C13orf46: variants seen among roughly 807,000 people sequenced by gnomAD.
C13orf46 encodes chromosome 13 open reading frame 46, also known as uncharacterized protein C13orf46.
intron 6 of C13orf46, among the ~76,000 whole-genome samples, chr13:113,957,043 G>T (rs1180540208): frequency 6.6e-6 from 1 of 151,800 alleles, no homozygotes; most frequent in Non-Finnish European, 1.5e-5. Context: ...TGCACTGGGG[G>T]GTCTCCCCTG....
At chr13:113,936,531 C>T in the C13orf46 span, among the ~76,000 whole-genome samples, 4 of 152,202 alleles carry the variant, frequency 2.6e-5, no homozygotes, top group Non-Finnish European at 5.9e-5. Flanking sequence ...GAGGGGGAAA[C>T]CGTTTCCTGG....
intron 6 of C13orf46, among the ~76,000 whole-genome samples, chr13:113,962,325 G>C (rs2138983350): frequency 6.6e-6 from 1 of 152,322 alleles, no homozygotes; most frequent in East Asian, 1.9e-4. Flanking sequence ...AGAATGGCGT[G>C]AACCTGGGGG....
At chr13:113,927,659 G>C in the C13orf46 span, 7 of 398,512 alleles carry the variant, frequency 1.8e-5, no homozygotes, top group Middle Eastern at 6.2e-4. Flanking sequence ...ATAAGACCAA[G>C]AATAATTAAT....
the C13orf46 span, among the ~76,000 whole-genome samples, chr13:113,929,852 A>C: frequency 6.6e-6 from 1 of 152,176 alleles, no homozygotes; most frequent in Non-Finnish European, 1.5e-5. Context: ...AGCGCCCTCC[A>C]ATGGAAAAGC....
chr13:113,971,310 C>G (rs904460280), intron 1 of C13orf46, among the ~76,000 whole-genome samples: 5 of 152,240 alleles, frequency 3.3e-5, no homozygotes, highest in African/African-American at 1.2e-4. Context: ...TGGGCCACTC[C>G]AGGCAGGTCA....
intron 1 of C13orf46, among the ~76,000 whole-genome samples, chr13:113,970,721 G>A (rs945632411): frequency 3.3e-5 from 5 of 152,188 alleles, no homozygotes; most frequent in Admixed American, 1.3e-4. Context: ...AATCCCCAGG[G>A]TCTCTGGGCT....
At chr13:113,973,689 C>T (rs1566426989) in intron 1 of C13orf46, 119 bp downstream of exon 1, 1 of 152,342 alleles carries the variant, frequency 6.6e-6, no homozygotes, top group Non-Finnish European at 1.5e-5. Context: ...GCATCCCTAA[C>T]CTTGGGAACT....
At chr13:113,934,770 G>A in the C13orf46 span, among the ~76,000 whole-genome samples, 8,179 of 152,318 alleles carry the variant, frequency 0.054, 288 homozygotes, top group African/African-American at 0.088. Flanking sequence ...GATGTGCTGT[G>A]AGCCACCCTG....
At chr13:113,942,795 T>G in the C13orf46 span, among the ~76,000 whole-genome samples, 1 of 152,212 alleles carries the variant, frequency 6.6e-6, no homozygotes, top group Admixed American at 6.5e-5. Context: ...AGCCAGTTAC[T>G]GTGCCCTTTA....
At chr13:113,967,966 G>T (rs1370612799) in intron 4 of C13orf46, among the ~76,000 whole-genome samples, 1 of 152,228 alleles carries the variant, frequency 6.6e-6, no homozygotes, top group Non-Finnish European at 1.5e-5. Flanking sequence ...AACTCCAAGG[G>T]CAGTGTCTGG....
chr13:113,927,698 G>T, the C13orf46 span: 1 of 398,310 alleles, frequency 2.5e-6, no homozygotes, highest in South Asian at 1.3e-4. Flanking sequence ...AGCTTTGGCT[G>T]CATCTGAATT....
chr13:113,942,361 T>C, the C13orf46 span, among the ~76,000 whole-genome samples: 836 of 152,304 alleles, frequency 5.5e-3, 8 homozygotes, highest in African/African-American at 0.01. Flanking sequence ...AACTGATTGC[T>C]GCTGACAAGA....
the C13orf46 span, among the ~76,000 whole-genome samples, chr13:113,936,078 G>T: frequency 1.1e-3 from 165 of 152,356 alleles, no homozygotes; most frequent in African/African-American, 3.8e-3. Context: ...CAAGTTCAGA[G>T]GCTCAAAGAT....
At chr13:113,945,593 GAAAGAAAGAAAGAAGAAAGAA>G in the C13orf46 span, among the ~76,000 whole-genome samples, 2 of 122,378 alleles carry the variant, frequency 1.6e-5, no homozygotes, top group Non-Finnish European at 3.4e-5. Flanking sequence ...GAGAGAGAGA[GAAAGAAAGAAAGAAGAAAGAA>G]AGAAAGAAAG....
chr13:113,958,057 C>CG (rs879092793), intron 6 of C13orf46, among the ~76,000 whole-genome samples: 36,684 of 127,710 alleles, frequency 0.29, 6,508 homozygotes, highest in East Asian at 0.45. Context: ...TCAAGTGCAC[C>CG]GGGGGGGTCT....
At chr13:113,967,069 G>A (rs1212951319) in intron 5 of C13orf46, among the ~76,000 whole-genome samples, 2 of 152,122 alleles carry the variant, frequency 1.3e-5, no homozygotes, top group Admixed American at 1.3e-4. Context: ...GGACCCATGG[G>A]CACCTTGAAG....
chr13:113,965,746 G>GTGA (rs1323206421), intron 5 of C13orf46, among the ~76,000 whole-genome samples: 99,492 of 145,368 alleles, frequency 0.68, 34,634 homozygotes, highest in African/African-American at 0.82. Context: ...GGTGATGATG[G>GTGA]TGATGATGGT....
the C13orf46 span, among the ~76,000 whole-genome samples, chr13:113,935,007 T>C: frequency 2.0e-5 from 3 of 152,326 alleles, no homozygotes; most frequent in South Asian, 4.1e-4. Flanking sequence ...ATCCTGGCCT[T>C]CTTCCCTTCC....
intron 6 of C13orf46, among the ~76,000 whole-genome samples, chr13:113,958,856 T>G (rs1175539073): frequency 1.3e-5 from 2 of 151,580 alleles, no homozygotes; most frequent in Non-Finnish European, 3.0e-5. Flanking sequence ...CTGCACGTGG[T>G]GGGGTCTCTC....
Sources: gnomAD v4.1 joint callset for allele counts (sites outside exome capture counted in the v4.1 genomes callset) on GRCh38, gnomAD v4.1.1 for gene constraint, MANE v1.5 for transcripts, NCBI Gene and HGNC (gene_info 2026-07-23, HGNC 2026-07-21) for gene names.